Variants in PHC1 observed in about 807,000 individuals in gnomAD.
PHC1 encodes polyhomeotic-like protein 1.
A neutral mutation model predicts 104.3 loss-of-function variants in PHC1; 12 were observed. The ratio of observed to expected loss-of-function variants is 0.12; its 90% CI spans 0.07 to 0.19. The LOEUF (loss-of-function observed/expected upper bound fraction) is 0.19. Ranked by LOEUF, PHC1 falls within the 10% of genes least tolerant of loss-of-function variation. The probability of loss-of-function intolerance (pLI) is 1.00; values close to 1 mark genes in which losing one functional copy is unlikely to be tolerated. For synonymous variants in PHC1, 302 were observed against 455.8 expected (o/e 0.66, Z 4.30); for missense variants, 671 against 1,200.0 (o/e 0.56, Z 6.51).
At chr12:8,936,814 C>A in intron 11 of PHC1, 42 bp from the exon 12 acceptor site, 1 of 1,248,732 alleles carries the variant, frequency 8.0e-7, no homozygotes, top group Non-Finnish European at 1.2e-6. Context: ...TGAGGGGCAG[C>A]AGAAACCCAT....
At chr12:8,915,989 A>G (rs1026388166) in intron 1 of PHC1, 1 of 154,408 alleles carries the variant, frequency 6.5e-6, no homozygotes, top group African/African-American at 2.4e-5. Context: ...AACTAAATCC[A>G]GTAATCTATA....
intron 6 of PHC1, among the ~76,000 whole-genome samples, chr12:8,927,591 T>C (rs11048063): frequency 0.18 from 28,122 of 152,016 alleles, 3,200 homozygotes; most frequent in Admixed American, 0.28. Context: ...CATATAATGG[T>C]TTTTGTTTTC....
At chr12:8,921,510 C>A in intron 4 of PHC1, 91 bp from the exon 5 acceptor site, 1 of 1,157,304 alleles carries the variant, frequency 8.6e-7, no homozygotes, top group South Asian at 1.3e-5. Flanking sequence ...ATACTCTGTT[C>A]TTGACTGTGT....
At chr12:8,938,337 A>G (rs1466508023) in intron 14 of PHC1, among the ~76,000 whole-genome samples, 1 of 152,126 alleles carries the variant, frequency 6.6e-6, no homozygotes, top group Admixed American at 6.5e-5. Context: ...GTAATTAACT[A>G]TGATACCTCC....
intron 6 of PHC1, among the ~76,000 whole-genome samples, chr12:8,924,674 C>T (rs1227436763): frequency 4.6e-5 from 7 of 151,966 alleles, no homozygotes; most frequent in African/African-American, 7.3e-5. Flanking sequence ...TATTTAAATA[C>T]GAGTATGTGT....
chr12:8,921,823 C>CT (rs887025195), intron 5 of PHC1, 73 bp downstream of exon 5: 79 of 1,415,306 alleles, frequency 5.6e-5, no homozygotes, highest in South Asian at 8.4e-5. Flanking sequence ...TGAGTGAAAG[C>CT]TTTTTTTTGA....
chr12:8,933,360 G>T lies in PHC1; in HGVS notation c.1893+10G>T. ...GTCTGTGCACTTGCCGGTGAGTGAT[G>T]TCTGATGGTTTTGAGGGCACTATTA... On this transcript the variant is annotated intron_variant, in intron 8 of 14. Transcript: ENST00000544916. The T allele has an allele frequency of 6.4e-7, 1 of 1,553,144 alleles. No homozygotes were observed. Among genetic ancestry groups the T allele is most frequent in the Non-Finnish European group, 8.8e-7 (1 of 1,142,210 alleles).
rs1466820653 is a variant in PHC1 at position 8,919,190 on chromosome 12, G to A, written c.115-566G>A. ...TTCTCCTACCTCAGCCTCCCTAGTA[G>A]TTGGGATTACAGGCGCCCACCACCA... On this transcript the variant is annotated intron_variant, in intron 2 of 14. Coordinates refer to ENST00000544916, the MANE Select transcript of PHC1 (RefSeq NM_004426.3). This position sits in a 1 kb window ranked among gnomAD's most constrained non-coding sequence, Gnocchi z 4.9. 1.3e-5 allele frequency among the ~76,000 whole-genome samples: 2 copies of A among 152,116 alleles called. No individual in the cohort carries two copies. The highest frequency in any genetic ancestry group is 2.9e-5 in the Non-Finnish European group (2 of 68,028).
At chr12:8,915,095 A>G (rs1945162389) in intron 1 of PHC1, 1 of 152,152 alleles carries the variant, frequency 6.6e-6, no homozygotes, top group African/African-American at 2.4e-5. Context: ...TCCTTCTCTG[A>G]CTTTGGTCCT....
At chr12:8,920,910 GATTT>G in intron 3 of PHC1, 71 bp from the exon 4 acceptor site, 1 of 976,316 alleles carries the variant, frequency 1.0e-6, no homozygotes, top group Non-Finnish European at 1.6e-6. Flanking sequence ...TTGTGCTTGT[GATTT>G]ATTACTAGAA....
intron 6 of PHC1, among the ~76,000 whole-genome samples, chr12:8,929,802 G>C (rs1945630764): frequency 6.6e-6 from 1 of 152,202 alleles, no homozygotes. Flanking sequence ...TTACAGGCAT[G>C]AGTCATAGCG....
At position 8,939,157 on chromosome 12, in the gene PHC1, AT is replaced by A. The variant is rs1945935383; in HGVS notation, c.2861-144del. ...TAAATACCAGTTGCTTTCTAATTTC[AT>A]TTTGCTTTTAAAGCTTGCCATCTGA... On this transcript the variant is annotated intron_variant, in intron 14 of 14. Coordinates refer to ENST00000544916, the MANE Select transcript of PHC1 (RefSeq NM_004426.3). The A allele has an allele frequency of 2.7e-5, 26 of 976,044 alleles. 1 individual carries two copies. In the South Asian group the frequency reaches 3.6e-4, roughly 14 times the overall value. The allele number at this position is 976,044 out of a possible 1,614,324, so 60.5% of individuals were successfully genotyped here. A position where few individuals can be genotyped will look rare whatever the true frequency, so the allele number is the denominator to read the frequency against.
chr12:8,924,925 C>T (rs1307980012), intron 6 of PHC1, among the ~76,000 whole-genome samples: 2 of 152,188 alleles, frequency 1.3e-5, no homozygotes, highest in East Asian at 3.9e-4. Context: ...TGCTAAGAAA[C>T]TCTTGTGGTC....
At chr12:8,921,458 T>C (rs1479256114) in intron 4 of PHC1, 143 bp from the exon 5 acceptor site, 3 of 767,020 alleles carry the variant, frequency 3.9e-6, no homozygotes, top group Admixed American at 2.8e-5. Context: ...CAGTTTTGGA[T>C]ATGAAGACAT....
In PHC1 at chr12:8,930,918, A is replaced by G; in HGVS notation, c.1096A>G (p.Ile366Val). 6.2e-7 allele frequency: 1 copy of G among 1,607,260 alleles called. No homozygotes were observed. Among genetic ancestry groups the G allele is most frequent in the Non-Finnish European group, 8.5e-7 (1 of 1,175,216 alleles). ...TATPAPSQTL[I>V]SSATYTQIQP... Reference sequence around the variant, plus strand: ...CACACCTGCGCCCAGCCAGACACTTATTAGCTCAGGTAAATTGTCATTCCT... The same window carrying G: ...CACACCTGCGCCCAGCCAGACACTTGTTAGCTCAGGTAAATTGTCATTCCT... Residue 366 changes from isoleucine to valine, a missense_variant, in exon 7 of 15, where the codon ATT (isoleucine) becomes GTT (valine). Physicochemically the swap from Ile to Val is conservative, Grantham distance 29. Coordinates refer to ENST00000544916, the MANE Select transcript of PHC1 (RefSeq NM_004426.3).
intron 6 of PHC1, among the ~76,000 whole-genome samples, chr12:8,925,425 A>G (rs1251434259): frequency 6.6e-6 from 1 of 152,214 alleles, no homozygotes; most frequent in African/African-American, 2.4e-5. Flanking sequence ...AGTCACCTGA[A>G]TGGGGAAATA....
chr12:8,937,733 T>A, intron 13 of PHC1, 96 bp from the exon 14 acceptor site: 1 of 880,414 alleles, frequency 1.1e-6, no homozygotes, highest in Non-Finnish European at 1.8e-6. Flanking sequence ...ATAAGATGAG[T>A]TTTTCTTCTA....
At chr12:8,922,519 G>A in intron 5 of PHC1, 114 bp from the exon 6 acceptor site, 3 of 879,536 alleles carry the variant, frequency 3.4e-6, no homozygotes, top group Non-Finnish European at 5.3e-6. Context: ...AAGAGGCAGG[G>A]CTCAGCTGTT....
At chr12:8,927,235 G>T (rs1454219279) in intron 6 of PHC1, among the ~76,000 whole-genome samples, 1 of 152,202 alleles carries the variant, frequency 6.6e-6, no homozygotes, top group Non-Finnish European at 1.5e-5. Flanking sequence ...GTTGTTTGGG[G>T]GGTGGTGAAT....
Sources: gnomAD v4.1 joint callset for allele counts (sites outside exome capture counted in the v4.1 genomes callset) on GRCh38, gnomAD v4.1.1 for gene constraint, Gnocchi (gnomAD v3.1) non-coding constraint, MANE v1.5 for transcripts, NCBI Gene and HGNC (gene_info 2026-07-23, HGNC 2026-07-21) for gene names.